The following ATG2B variants were observed in gnomAD, a reference collection of about 807,000 sequenced individuals.
The protein encoded by ATG2B is autophagy related 2B, also known as autophagy-related protein 2 homolog B.
In ATG2B, 121 loss-of-function variants were observed where a neutral mutation model predicts 241.3. The observed-to-expected ratio is 0.50, with a 90% CI of 0.43 to 0.58. ATG2B has a LOEUF of 0.58. ATG2B is among the 20% of genes least tolerant of loss of function. ATG2B has a pLI of 0.00. For missense variants in ATG2B, 2,306 were observed against 2,491.6 expected (o/e 0.93, Z 1.59); for synonymous variants, 858 against 876.6 (o/e 0.98, Z 0.37).
intron 1 of ATG2B, among the ~76,000 whole-genome samples, chr14:96,362,573 A>G (rs1052065217): frequency 2.0e-5 from 3 of 152,226 alleles, no homozygotes; most frequent in African/African-American, 7.2e-5. Flanking sequence ...CACTGACTCA[A>G]TTATTCCCAC....
Position 96,285,751 on chromosome 14 carries a change from G to C in ATG2B, c.*4C>G. ...CTTATCTTCACACTGTCAGTTCCAAGCCATCAGTCATCCCCGTGGCGCCAT... is the reference window on the plus strand; with the variant it reads ...CTTATCTTCACACTGTCAGTTCCAACCCATCAGTCATCCCCGTGGCGCCAT... On this transcript the variant is annotated 3_prime_UTR_variant, in exon 42 of 42. Coordinates refer to ENST00000359933, the MANE Select transcript of ATG2B (RefSeq NM_018036.7). The surrounding 1 kb of genome is among the most constrained non-coding windows in gnomAD (Gnocchi z 4.2). 6.2e-7 allele frequency: 1 copy of C among 1,613,412 alleles called. No homozygotes were observed. Among genetic ancestry groups the C allele is most frequent in the Non-Finnish European group, 8.5e-7 (1 of 1,179,816 alleles).
chr14:96,290,564 G>A lies in ATG2B; in HGVS notation c.5728C>T (p.Leu1910Phe). 6.2e-7 allele frequency: 1 copy of A among 1,614,176 alleles called. No homozygotes were observed. Among genetic ancestry groups the A allele is most frequent in the Non-Finnish European group, 8.5e-7 (1 of 1,180,036 alleles). Reference protein sequence around the residue: ...LVQGLKDLVWLPIEQYRKDGR... With the variant: ...LVQGLKDLVWFPIEQYRKDGR... ...TCCTTCCGGTACTGCTCTATTGGGA[G>A]CCAGACCAAGTCCTTTAGGCCTTGT... The change falls in exon 40 of 42, where the codon CTC (leucine) becomes TTC (phenylalanine). Residue 1910 changes from leucine (L) to phenylalanine (F), a missense_variant. Physicochemically the swap from Leu to Phe is conservative, Grantham distance 22 (BLOSUM62 0). Transcript: ENST00000359933. The surrounding 1 kb of genome is among the most constrained non-coding windows in gnomAD (Gnocchi z 4.4).
chr14:96,319,931 T>C (rs72704890), intron 18 of ATG2B, among the ~76,000 whole-genome samples: 28 of 152,240 alleles, frequency 1.8e-4, no homozygotes, highest in Non-Finnish European at 3.2e-4. Context: ...GATATGAGAT[T>C]TATATGATCC....
intron 34 of ATG2B, among the ~76,000 whole-genome samples, chr14:96,301,536 C>T (rs1055718855): frequency 6.6e-6 from 1 of 152,172 alleles, no homozygotes; most frequent in Non-Finnish European, 1.5e-5. Context: ...TTTCACTGTG[C>T]CCAACTCCAG....
At chr14:96,346,205 A>G (rs1360967481) in intron 2 of ATG2B, among the ~76,000 whole-genome samples, 2 of 152,140 alleles carry the variant, frequency 1.3e-5, no homozygotes, top group Non-Finnish European at 2.9e-5. Flanking sequence ...TTGGAGGAGG[A>G]AACATATGAG....
At chr14:96,352,417 C>G (rs760243598) in intron 1 of ATG2B, among the ~76,000 whole-genome samples, 7 of 151,544 alleles carry the variant, frequency 4.6e-5, no homozygotes, top group Non-Finnish European at 1.0e-4. Flanking sequence ...CAGGCTCAGG[C>G]AGTTCTTTCA....
At chr14:96,322,313 A>T (rs1030554393) in intron 17 of ATG2B, 59 bp from the exon 18 acceptor site, 1 of 1,548,298 alleles carries the variant, frequency 6.5e-7, no homozygotes, top group African/African-American at 1.4e-5. Context: ...TAGTAGTAGC[A>T]TCTTCTTAGC....
chr14:96,314,777 TG>T (rs1887260096), intron 23 of ATG2B, among the ~76,000 whole-genome samples: 1 of 152,260 alleles, frequency 6.6e-6, no homozygotes, highest in African/African-American at 2.4e-5. Context: ...CTCAGCTCAC[TG>T]CAACCTCCGC....
rs1887156176 is a variant in ATG2B, at chr14:96,311,542, T to C, written c.3990A>G (p.Gln1330=). ...ATTTTCATTTATTTTAATAACTCAC[T>C]TGCTCTCCATCAGAATCAGACTTCA... ...TAVKSDSDGE[Q]TEPRFELHCS... is the part of the protein sequence containing the mutation. Residue 1330 remains glutamine, a splice_region_variant and synonymous_variant, in exon 27 of 42, where the codon CAA becomes CAG. Coordinates refer to ENST00000359933, the MANE Select transcript of ATG2B (RefSeq NM_018036.7). 7 of 1,596,620 alleles carry C rather than the reference T, an allele frequency of 4.4e-6. No homozygotes were observed. The highest frequency in any genetic ancestry group is 6.0e-6 in the Non-Finnish European group (7 of 1,167,946).
Position 96,360,933 on chromosome 14 carries a change from CAAAAAAAA to C in ATG2B, c.162+1874_162+1881del, listed in dbSNP as rs35630598. On this transcript the variant is annotated intron_variant, in intron 1 of 41. Transcript: ENST00000359933. ...CAAAGCAAGAGAATGAATCCTCTAC[CAAAAAAAA>C]AAAAAAAAAAAAATCAAGTGTGAAA... 2.2e-3 allele frequency among the ~76,000 whole-genome samples: 159 copies of C among 73,712 alleles called. 3 individuals carry two copies. In the East Asian group the frequency reaches 0.046, roughly 21 times the overall value. 48.4% of individuals were successfully genotyped at this position (73,712 alleles called of 152,430 possible).
At chr14:96,342,679 G>A (rs1285897603) in intron 5 of ATG2B, among the ~76,000 whole-genome samples, 5 of 144,890 alleles carry the variant, frequency 3.5e-5, no homozygotes, top group Non-Finnish European at 6.0e-5. Flanking sequence ...TCGAGATTGC[G>A]CCACTGCACA....
chr14:96,285,457 G>A lies in ATG2B; in HGVS notation c.*298C>T, dbSNP rs77540378. 4,501 of 351,308 alleles carry A rather than the reference G, an allele frequency of 0.013. 46 individuals are homozygous for A. Among genetic ancestry groups the A allele is most frequent in the Non-Finnish European group, 0.018 (3,383 of 186,786 alleles). The allele number at this position is 351,308 out of a possible 1,614,324, so 21.8% of individuals were successfully genotyped here. A position where few individuals can be genotyped will look rare whatever the true frequency, so the allele number is the denominator to read the frequency against. ...AGAAGGCAGCTTCCAATGATCTCTC[G>A]TCGGTAACAAGGAGAATTACAGTCA... On this transcript the variant is annotated 3_prime_UTR_variant, in exon 42 of 42. Coordinates refer to ENST00000359933, the MANE Select transcript of ATG2B (RefSeq NM_018036.7). The surrounding 1 kb of genome is among the most constrained non-coding windows in gnomAD (Gnocchi z 4.2).
chr14:96,357,952 T>C (rs1399436554), intron 1 of ATG2B, among the ~76,000 whole-genome samples: 2 of 152,192 alleles, frequency 1.3e-5, no homozygotes, highest in Non-Finnish European at 1.5e-5. Context: ...AACCTAACAG[T>C]GTTTAAAACA....
intron 14 of ATG2B, among the ~76,000 whole-genome samples, chr14:96,326,754 C>A (rs537115067): frequency 3.3e-5 from 5 of 152,124 alleles, no homozygotes; most frequent in Non-Finnish European, 7.4e-5. Context: ...CGAAACAGGT[C>A]TTGCTGTATC....
chr14:96,285,608 G>A lies in ATG2B; in HGVS notation c.*147C>T. ...TGTCAGAAGTTTTTGGTTGCATGTT[G>A]TTTTGATGTTAAATTATTTAACTAA... On this transcript the variant is annotated 3_prime_UTR_variant, in exon 42 of 42. Coordinates refer to ENST00000359933, the MANE Select transcript of ATG2B (RefSeq NM_018036.7). This position sits in a 1 kb window ranked among gnomAD's most constrained non-coding sequence, Gnocchi z 4.2. 1 of 721,248 alleles carries A rather than the reference G, an allele frequency of 1.4e-6. No individual in the cohort carries two copies. Among genetic ancestry groups the A allele is most frequent in the Non-Finnish European group, 2.3e-6 (1 of 437,750 alleles). 44.7% of individuals were successfully genotyped at this position (721,248 alleles called of 1,614,324 possible). A position where few individuals can be genotyped will look rare whatever the true frequency, so the allele number is the denominator to read the frequency against.
At chr14:96,305,489 A>G in intron 31 of ATG2B, 100 bp downstream of exon 31, 1 of 714,896 alleles carries the variant, frequency 1.4e-6, no homozygotes, top group Non-Finnish European at 2.2e-6. Flanking sequence ...GATAAATCCT[A>G]TTTTTCTTTT....
At chr14:96,351,607 A>G (rs990916830) in intron 1 of ATG2B, among the ~76,000 whole-genome samples, 4 of 151,986 alleles carry the variant, frequency 2.6e-5, no homozygotes, top group Admixed American at 2.6e-4. Context: ...ATGGTGGCCC[A>G]CGCCTTTAAT....
chr14:96,325,605 T>C (rs909133066), intron 15 of ATG2B, 44 bp downstream of exon 15: 1 of 1,550,296 alleles, frequency 6.5e-7, no homozygotes, highest in African/African-American at 1.4e-5. Context: ...GTAGCAGTTG[T>C]TTGTTATCTA....
At chr14:96,286,221 G>A (rs1363427722) in intron 41 of ATG2B, among the ~76,000 whole-genome samples, 1 of 152,056 alleles carries the variant, frequency 6.6e-6, no homozygotes, top group Non-Finnish European at 1.5e-5. Flanking sequence ...ACTAGTGCGT[G>A]GAAAATGTAG....
Sources: gnomAD v4.1 joint callset for allele counts (sites outside exome capture counted in the v4.1 genomes callset) on GRCh38, gnomAD v4.1.1 for gene constraint, Gnocchi (gnomAD v3.1) non-coding constraint, MANE v1.5 for transcripts, NCBI Gene and HGNC (gene_info 2026-07-23, HGNC 2026-07-21) for gene names.